The following SRGAP3 variants were observed in gnomAD, a reference collection of about 807,000 sequenced individuals.
SRGAP3 encodes SLIT-ROBO Rho GTPase activating protein 3.
SRGAP3 carries 39 observed loss-of-function variants against 121.1 expected under a neutral mutation model. The observed-to-expected ratio is 0.32, with a 90% CI of 0.25 to 0.42. The LOEUF (loss-of-function observed/expected upper bound fraction) is 0.42, where lower values mean the gene tolerates loss of function less well. Ranked by LOEUF, SRGAP3 falls within the 10% of genes least tolerant of loss-of-function variation. The pLI, the probability that SRGAP3 is intolerant of heterozygous loss-of-function variation, is 1.00. For synonymous variants in SRGAP3, 601 were observed against 570.0 expected, an observed-to-expected ratio of 1.05 and a Z score of -0.77; for missense variants, 1,213 against 1,470.6, an observed-to-expected ratio of 0.82 and a Z score of 2.86.
At chr3:9,224,536 T>C (rs920282818) in intron 1 of SRGAP3, among the ~76,000 whole-genome samples, 2 of 152,094 alleles carry the variant, frequency 1.3e-5, no homozygotes, top group Non-Finnish European at 2.9e-5. Flanking sequence ...AATACCGCCT[T>C]CCCAAAATTG....
In SRGAP3 at chr3:9,032,839, A is replaced by T. The variant is rs1406419523; in HGVS notation, c.1437-87T>A. 3.3e-6 allele frequency: 4 copies of T among 1,203,496 alleles called. No homozygotes were observed. In the East Asian group the frequency reaches 9.4e-5, roughly 28 times the overall value. The allele number at this position is 1,203,496 out of a possible 1,614,324, so 74.6% of individuals were successfully genotyped here. ...AGATGCTCTTAAAACCCACGACTAA[A>T]GGGGAACACAAAATGTAAATGGAAG... On this transcript the variant is annotated intron_variant, in intron 11 of 21. Transcript: ENST00000383836.
At chr3:9,294,565 A>G (rs1954920596) in intron 3 of SRGAP3, among the ~76,000 whole-genome samples, 1 of 152,090 alleles carries the variant, frequency 6.6e-6, no homozygotes, top group African/African-American at 2.4e-5. Flanking sequence ...AAAAACACCA[A>G]TTCTTGCAAG....
In SRGAP3 at chr3:9,060,305, A is replaced by G; in HGVS notation, c.727T>C (p.Tyr243His). 6.2e-7 allele frequency: 1 copy of G among 1,614,082 alleles called. No homozygotes were observed. The highest frequency in any genetic ancestry group is 8.5e-7 in the Non-Finnish European group (1 of 1,179,966). ...TTGGTGGCTGCCAGATTGAGCAAGTAGTCATTCCGGGCCTTTGTGCATTTC... is the reference window on the plus strand; with the variant it reads ...TTGGTGGCTGCCAGATTGAGCAAGTGGTCATTCCGGGCCTTTGTGCATTTC... ...KLKCTKARNDYLLNLAATNAA... is the reference protein window; with the variant it reads ...KLKCTKARNDHLLNLAATNAA... The change falls in exon 6 of 22, where the codon TAC becomes CAC. Residue 243 changes from tyrosine (Y) to histidine (H), a missense_variant. By Grantham distance (83) the Tyr-to-His change is moderately conservative. Transcript: ENST00000383836.
chr3:9,188,134 A>G (rs576937844), intron 1 of SRGAP3, among the ~76,000 whole-genome samples: 2 of 152,360 alleles, frequency 1.3e-5, no homozygotes, highest in South Asian at 4.1e-4. Context: ...TGTGTACATT[A>G]TACTTCAATA....
intron 3 of SRGAP3, chr3:9,257,346 T>G (rs115414336): frequency 0.34 from 51,228 of 151,866 alleles, 9,756 homozygotes; most frequent in Admixed American, 0.46. Flanking sequence ...CAAAGCGAAC[T>G]CTCTCTCTTT....
intron 20 of SRGAP3, 141 bp downstream of exon 20, chr3:8,992,765 C>A: frequency 1.3e-6 from 2 of 1,492,764 alleles, no homozygotes; most frequent in Non-Finnish European, 9.3e-7. Flanking sequence ...CCAGCCAGCC[C>A]GCCCAGTGTG....
intron 18 of SRGAP3, among the ~76,000 whole-genome samples, chr3:9,001,605 A>G (rs1182472496): frequency 1.3e-5 from 2 of 152,208 alleles, no homozygotes; most frequent in Non-Finnish European, 2.9e-5. Flanking sequence ...ATCAAATGTG[A>G]ATGGATTAAA....
At chr3:9,104,265 C>T (rs383485) in intron 3 of SRGAP3, among the ~76,000 whole-genome samples, 58,737 of 151,948 alleles carry the variant, frequency 0.39, 11,600 homozygotes, top group African/African-American at 0.46. Context: ...ATATACAAAT[C>T]TAAGCACTCT....
intron 3 of SRGAP3, among the ~76,000 whole-genome samples, chr3:9,271,760 C>G (rs964268722): frequency 3.3e-5 from 5 of 152,208 alleles, no homozygotes; most frequent in African/African-American, 1.2e-4. Context: ...AAGAAAAAAG[C>G]ACAGCGTGGC....
At chr3:9,108,267 C>T (rs1037846921) in intron 2 of SRGAP3, among the ~76,000 whole-genome samples, 6 of 152,052 alleles carry the variant, frequency 3.9e-5, no homozygotes, top group African/African-American at 7.2e-5. Context: ...GGGGGTAGCG[C>T]GTGGTACTCA....
At chr3:9,149,171 G>A (rs2543497) in intron 1 of SRGAP3, among the ~76,000 whole-genome samples, 60,179 of 146,056 alleles carry the variant, frequency 0.41, 14,517 homozygotes, top group Non-Finnish European at 0.55. Context: ...CCGAGATCGC[G>A]CCACTGCACT....
At chr3:9,096,365 C>T (rs1414171503) in intron 3 of SRGAP3, among the ~76,000 whole-genome samples, 2 of 152,096 alleles carry the variant, frequency 1.3e-5, no homozygotes, top group African/African-American at 2.4e-5. Flanking sequence ...CAATTATTCT[C>T]GTTTTCTAAT....
At chr3:9,313,074 T>G (rs539323561) in intron 3 of SRGAP3, among the ~76,000 whole-genome samples, 1 of 152,306 alleles carries the variant, frequency 6.6e-6, no homozygotes, top group South Asian at 2.1e-4. Context: ...TCTACAAGGC[T>G]GGGGGTGATC....
chr3:8,990,872 G>A, intron 20 of SRGAP3, 33 bp from the exon 21 acceptor site: 1 of 1,474,206 alleles, frequency 6.8e-7, no homozygotes, highest in Non-Finnish European at 8.9e-7. Context: ...GGGGCATGGG[G>A]CAGAGGTCAA....
rs1024870910 is a variant in SRGAP3, at chr3:9,013,203, G to A, written c.2147+105C>T. The stretch of plus-strand genomic sequence containing the variant: ...CTCAGATGAGAAAATGTATATGGAA[G>A]CACCGACTATCAAGCAGTAAGAAAA... On this transcript the variant is annotated intron_variant, in intron 17 of 21. Coordinates refer to ENST00000383836, the MANE Select transcript of SRGAP3 (RefSeq NM_014850.4). The A allele has an allele frequency of 5.4e-6, 6 of 1,112,276 alleles. No individual in the cohort carries two copies. In the African/African-American group the frequency reaches 7.8e-5, roughly 14 times the overall value. 68.9% of individuals were successfully genotyped at this position (1,112,276 alleles called of 1,614,324 possible).
At chr3:9,123,313 C>T (rs1231333078) in intron 2 of SRGAP3, among the ~76,000 whole-genome samples, 1 of 151,754 alleles carries the variant, frequency 6.6e-6, no homozygotes, top group African/African-American at 2.4e-5. Context: ...CTGAACTGTT[C>T]ATTTAAAAAT....
Position 8,990,689 on chromosome 3 carries a change from C to G in SRGAP3, c.2709G>C (p.Arg903=), listed in dbSNP as rs1329193613. 2 of 1,613,256 alleles carry G rather than the reference C, an allele frequency of 1.2e-6. No homozygotes were observed. Among genetic ancestry groups the G allele is most frequent in the Non-Finnish European group, 1.7e-6 (2 of 1,179,902 alleles). The change falls in exon 21 of 22, where the codon CGG becomes CGC. Residue 903 remains arginine, a synonymous_variant. Transcript: ENST00000383836. ...GCTTCTCAGGGCTCTCGATCCTCCC[C>G]CGGGTGAGGGGGATTTTGTGGGGGC... ...PSSPHKIPLT[R]GRIESPEKRR...
At chr3:9,173,175 G>A (rs1036590159) in intron 1 of SRGAP3, among the ~76,000 whole-genome samples, 6 of 152,236 alleles carry the variant, frequency 3.9e-5, no homozygotes, top group African/African-American at 1.4e-4. Context: ...TGCTTCAGCG[G>A]CAACAGGGCA....
At chr3:9,190,637 C>G (rs562393079) in intron 1 of SRGAP3, among the ~76,000 whole-genome samples, 1 of 152,328 alleles carries the variant, frequency 6.6e-6, no homozygotes, top group East Asian at 1.9e-4. Context: ...GGCACATTTC[C>G]TCCATCTTTT....
Sources: allele counts gnomAD v4.1 joint callset (sites outside exome capture counted in the v4.1 genomes callset), GRCh38; gene constraint gnomAD v4.1.1; transcripts MANE v1.5; gene names NCBI Gene and HGNC (gene_info 2026-07-23, HGNC 2026-07-21).